CADPS2: variants seen among roughly 807,000 people sequenced by gnomAD.
CADPS2 encodes the protein calcium-dependent secretion activator 2.
Under a neutral mutation model 172.5 loss-of-function variants are expected in CADPS2, and 93 were observed. That is an observed-to-expected ratio of 0.54 (90% confidence interval 0.46 to 0.64). CADPS2 has a LOEUF of 0.64. Among genes scored for constraint, CADPS2 ranks in the 30% least tolerant of loss-of-function variants. CADPS2 has a pLI of 0.00. For missense variants in CADPS2, 1,420 were observed against 1,565.9 expected, an observed-to-expected ratio of 0.91 and a Z score of 1.57; for synonymous variants, 546 against 555.2, an observed-to-expected ratio of 0.98 and a Z score of 0.23.
At chr7:122,577,682 C>T (rs2068228762) in intron 7 of CADPS2, among the ~76,000 whole-genome samples, 1 of 152,080 alleles carries the variant, frequency 6.6e-6, no homozygotes, top group Non-Finnish European at 1.5e-5. Context: ...TCTAGGAGTA[C>T]AATTTTTGGA....
At position 122,637,208 on chromosome 7, in the gene CADPS2, T is replaced by TTTTTTTTTTTTTTTTTTTTTTTCTC. The variant is rs778963218; in HGVS notation, c.787-7881_787-7880insGAGAAAAAAAAAAAAAAAAAAAAAA. On this transcript the variant is annotated intron_variant, in intron 3 of 29. Transcript: ENST00000449022. ...TTTTTTTTTTTTTTTTTTTTTTTTT[T>TTTTTTTTTTTTTTTTTTTTTTTCTC]CCTGAGACAGGGTCTCACTCTGTGG... Among the ~76,000 whole-genome samples the TTTTTTTTTTTTTTTTTTTTTTTCTC allele has an allele frequency of 1.3e-4, 8 of 62,694 alleles. 1 individual carries two copies. Among genetic ancestry groups the TTTTTTTTTTTTTTTTTTTTTTTCTC allele is most frequent in the Admixed American group, 2.6e-4 (1 of 3,798 alleles). 41.1% of individuals were successfully genotyped at this position (62,694 alleles called of 152,430 possible).
chr7:122,740,323 G>C (rs187591733), intron 1 of CADPS2, among the ~76,000 whole-genome samples: 1 of 152,226 alleles, frequency 6.6e-6, no homozygotes, highest in African/African-American at 2.4e-5. Context: ...TTCAGTAGAT[G>C]AATGGATAAA....
chr7:122,733,528 C>T (rs897938225), intron 2 of CADPS2, among the ~76,000 whole-genome samples: 2 of 151,802 alleles, frequency 1.3e-5, no homozygotes, highest in African/African-American at 2.4e-5. Flanking sequence ...CCCAAAAGAG[C>T]CAATCCTTCA....
At chr7:122,546,195 C>A (rs896494411) in intron 8 of CADPS2, among the ~76,000 whole-genome samples, 1 of 152,208 alleles carries the variant, frequency 6.6e-6, no homozygotes, top group Non-Finnish European at 1.5e-5. Context: ...ACATCTATCA[C>A]GCTAAAGCAA....
At chr7:122,541,797 T>G (rs1259500734) in intron 8 of CADPS2, among the ~76,000 whole-genome samples, 2 of 113,312 alleles carry the variant, frequency 1.8e-5, no homozygotes, top group East Asian at 2.9e-4. Context: ...ATTTATATAT[T>G]CATATATATT....
At chr7:122,472,664 G>A (rs1024310255) in intron 13 of CADPS2, among the ~76,000 whole-genome samples, 8 of 152,128 alleles carry the variant, frequency 5.3e-5, no homozygotes, top group African/African-American at 1.9e-4. Context: ...GTCTTTGAGT[G>A]GAATCCGAGA....
At chr7:122,538,247 C>G (rs1454478787) in intron 8 of CADPS2, among the ~76,000 whole-genome samples, 1 of 151,214 alleles carries the variant, frequency 6.6e-6, no homozygotes, top group South Asian at 2.1e-4. Flanking sequence ...GACTGAAAAT[C>G]ACTTCAGAAC....
At chr7:122,478,208 T>C (rs1020298108) in intron 12 of CADPS2, among the ~76,000 whole-genome samples, 1 of 152,210 alleles carries the variant, frequency 6.6e-6, no homozygotes, top group Admixed American at 6.5e-5. Flanking sequence ...TAACACAACA[T>C]TATGGTGACT....
At chr7:122,534,352 A>G (rs1475192055) in intron 8 of CADPS2, among the ~76,000 whole-genome samples, 3 of 152,074 alleles carry the variant, frequency 2.0e-5, no homozygotes, top group Non-Finnish European at 4.4e-5. Flanking sequence ...TATTTCAACA[A>G]TGCCTCCCAA....
intron 1 of CADPS2, among the ~76,000 whole-genome samples, chr7:122,799,342 G>A (rs1298911047): frequency 1.3e-5 from 2 of 152,220 alleles, no homozygotes; most frequent in Non-Finnish European, 2.9e-5. Flanking sequence ...GCTCACGCCT[G>A]TAGTCCCAGC....
intron 1 of CADPS2, among the ~76,000 whole-genome samples, chr7:122,856,907 T>C (rs1815407558): frequency 6.6e-6 from 1 of 152,218 alleles, no homozygotes; most frequent in Non-Finnish European, 1.5e-5. Flanking sequence ...AGCTCACTTG[T>C]TCCAGAGAAT....
chr7:122,320,207 C>A lies in CADPS2; in HGVS notation c.3849G>T (p.Gln1283His). ...TASVSEGGGL[Q>H]GITMKDSDEE... is the part of the protein sequence containing the mutation. Reference sequence around the variant, plus strand: ...CGTCACTGTCTTTCATAGTAATGCCCTGAAGTCCTCCTCCTTCTGAAACAG... The same window carrying A: ...CGTCACTGTCTTTCATAGTAATGCCATGAAGTCCTCCTCCTTCTGAAACAG... Residue 1283 changes from glutamine to histidine, a missense_variant, in exon 30 of 30, where the codon CAG becomes CAT. By Grantham distance (24) the Gln-to-His change is conservative. Transcript: ENST00000449022. The A allele has an allele frequency of 6.2e-7, 1 of 1,612,610 alleles. No homozygotes were observed. The highest frequency in any genetic ancestry group is 1.1e-5 in the South Asian group (1 of 90,868).
At chr7:122,497,547 T>G (rs1473650890) in intron 9 of CADPS2, among the ~76,000 whole-genome samples, 2 of 152,200 alleles carry the variant, frequency 1.3e-5, no homozygotes, top group Non-Finnish European at 2.9e-5. Context: ...CATTCCCATC[T>G]GTTAACTCAG....
chr7:122,860,662 G>A (rs1222822256), intron 1 of CADPS2, among the ~76,000 whole-genome samples: 1 of 152,094 alleles, frequency 6.6e-6, no homozygotes, highest in Non-Finnish European at 1.5e-5. Context: ...ACTCTACTAT[G>A]CAATAGAATA....
intron 1 of CADPS2, among the ~76,000 whole-genome samples, chr7:122,823,067 T>C (rs1213361681): frequency 2.0e-5 from 3 of 152,228 alleles, no homozygotes; most frequent in Non-Finnish European, 2.9e-5. Context: ...ATTAGTGATG[T>C]TGAACATTTT....
At chr7:122,539,767 GTCTCTCTCTT>G (rs2131555110) in intron 8 of CADPS2, among the ~76,000 whole-genome samples, 1 of 65,784 alleles carries the variant, frequency 1.5e-5, no homozygotes, top group East Asian at 3.6e-4. Flanking sequence ...CTCTGTCTCT[GTCTCTCTCTT>G]TCTGTTTCTC....
At chr7:122,568,658 T>C (rs1305211594) in intron 7 of CADPS2, among the ~76,000 whole-genome samples, 1 of 152,076 alleles carries the variant, frequency 6.6e-6, no homozygotes, top group Admixed American at 6.6e-5. Context: ...AAAACTTTGA[T>C]CTATATGTAG....
intron 2 of CADPS2, among the ~76,000 whole-genome samples, chr7:122,731,406 T>C (rs1038815025): frequency 1.3e-5 from 2 of 151,798 alleles, no homozygotes; most frequent in African/African-American, 2.4e-5. Flanking sequence ...GTAAATCACA[T>C]TGTCATTTGT....
intron 2 of CADPS2, among the ~76,000 whole-genome samples, chr7:122,724,106 A>G (rs570359102): frequency 2.0e-5 from 3 of 152,094 alleles, no homozygotes; most frequent in Non-Finnish European, 4.4e-5. Context: ...GCAGCACAGC[A>G]ACATGACACA....
Sources: gnomAD v4.1 joint callset for allele counts (sites outside exome capture counted in the v4.1 genomes callset) on GRCh38, gnomAD v4.1.1 for gene constraint, MANE v1.5 for transcripts, NCBI Gene and HGNC (gene_info 2026-07-23, HGNC 2026-07-21) for gene names.